SLC40A1: variants seen among roughly 807,000 people sequenced by gnomAD.
SLC40A1 encodes the protein ferroportin.
A neutral mutation model predicts 53.5 loss-of-function variants in SLC40A1; 16 were observed. That is an observed-to-expected ratio of 0.30 (90% CI 0.20 to 0.45). The LOEUF is 0.45. Among genes scored for constraint, SLC40A1 ranks in the 20% least tolerant of loss-of-function variants. The pLI, the probability that SLC40A1 is intolerant of heterozygous loss-of-function variation, is 1.00. For synonymous variants in SLC40A1, 247 were observed against 253.2 expected, an observed-to-expected ratio of 0.98 and a Z score of 0.23; for missense variants, 545 against 695.4, an observed-to-expected ratio of 0.78 and a Z score of 2.43.
Position 189,561,875 on chromosome 2 carries a change from G to A in SLC40A1, c.*3C>T. 1.2e-6 allele frequency: 2 copies of A among 1,611,100 alleles called. No homozygotes were observed. Among genetic ancestry groups the A allele is most frequent in the Non-Finnish European group, 1.7e-6 (2 of 1,177,266 alleles). On this transcript the variant is annotated 3_prime_UTR_variant, in exon 8 of 8. Transcript: ENST00000261024. Reference sequence around the variant, plus strand: ...GTAACAGGATAGCAACAGTTAAACTGTCTCAAACAACAGATGTATTTGCTT... The same window carrying A: ...GTAACAGGATAGCAACAGTTAAACTATCTCAAACAACAGATGTATTTGCTT...
chr2:189,577,497 A>G (rs926429364), intron 2 of SLC40A1, among the ~76,000 whole-genome samples: 1 of 152,190 alleles, frequency 6.6e-6, no homozygotes, highest in African/African-American at 2.4e-5. Context: ...TCATGTTATC[A>G]GATATAAGCA....
chr2:189,563,473 T>C, intron 7 of SLC40A1, 111 bp downstream of exon 7: 1 of 923,744 alleles, frequency 1.1e-6, no homozygotes, highest in East Asian at 2.7e-5. Flanking sequence ...GAGTGGATTT[T>C]GCTTAAATTA....
At chr2:189,575,104 G>C in intron 3 of SLC40A1, 57 bp downstream of exon 3, 1 of 1,574,876 alleles carries the variant, frequency 6.3e-7, no homozygotes, top group Non-Finnish European at 8.7e-7. Flanking sequence ...TTGCTACAGA[G>C]GTAGCTCAGG....
intron 1 of SLC40A1, 70 bp downstream of exon 1, chr2:189,580,348 C>T: frequency 1.4e-6 from 2 of 1,448,952 alleles, no homozygotes; most frequent in African/African-American, 1.4e-5. Flanking sequence ...CTCCAGAACT[C>T]GTGTAGAGTT....
In SLC40A1 at chr2:189,579,763, G is replaced by A. The variant is rs534624711; in HGVS notation, c.111+50C>T. 3.3e-6 allele frequency: 5 copies of A among 1,518,306 alleles called. No homozygotes were observed. The South Asian group carries it at 5.6e-5, about 17-fold the overall frequency. 94.1% of individuals were successfully genotyped at this position (1,518,306 alleles called of 1,614,324 possible). On this transcript the variant is annotated intron_variant, in intron 2 of 7. Coordinates refer to ENST00000261024, the MANE Select transcript of SLC40A1 (RefSeq NM_014585.6). ...TTAATACAACTGGCTAGAACGAAAGGAAATAAAAAATTGCGCAACTGTGTT... is the reference window on the plus strand; with the variant it reads ...TTAATACAACTGGCTAGAACGAAAGAAAATAAAAAATTGCGCAACTGTGTT...
chr2:189,565,819 T>C (rs1050665798), intron 5 of SLC40A1, among the ~76,000 whole-genome samples: 2 of 152,362 alleles, frequency 1.3e-5, no homozygotes, highest in East Asian at 1.9e-4. Context: ...TGGAATTGCA[T>C]AAATCAGTCT....
Position 189,572,887 on chromosome 2 carries a change from G to T in SLC40A1, c.346C>A (p.His116Asn). 6.2e-7 allele frequency: 1 copy of T among 1,613,906 alleles called. No individual in the cohort carries two copies. Among genetic ancestry groups the T allele is most frequent in the Non-Finnish European group, 8.5e-7 (1 of 1,179,836 alleles). Reference protein sequence around the residue: ...CGIILMMVFLHKHELLTMYHG... With the variant: ...CGIILMMVFLNKHELLTMYHG... Reference sequence around the variant, plus strand: ...TACATGGTCAGAAGCTCATGTTTATGTAAGAAAACCATCATCAGGATGATT... The same window carrying T: ...TACATGGTCAGAAGCTCATGTTTATTTAAGAAAACCATCATCAGGATGATT... Residue 116 changes from histidine (H) to asparagine (N), a missense_variant, in exon 4 of 8, where the codon CAT becomes AAT. His to Asn is a moderately conservative substitution (Grantham distance 68). This residue lies in a region of SLC40A1 where 197 missense variants were observed against 278.8 expected (regional missense o/e 0.71). Transcript: ENST00000261024.
chr2:189,572,060 A>ATTAT lies in SLC40A1; in HGVS notation c.388-220_388-219insATAA, dbSNP rs202114997. Reference sequence around the variant, plus strand: ...AACCTGTATCATCTAGATCATCTGTAGTACACATAATACAAAAATTATAAT... The same window carrying ATTAT: ...AACCTGTATCATCTAGATCATCTGTATTATGTACACATAATACAAAAATTATAAT... On this transcript the variant is annotated intron_variant, in intron 4 of 7. Transcript: ENST00000261024. Among the ~76,000 whole-genome samples, 339 of 152,336 alleles carry ATTAT rather than the reference A, an allele frequency of 2.2e-3. 10 individuals carry two copies. In the East Asian group the frequency reaches 0.053, roughly 24 times the overall value.
chr2:189,576,562 T>C (rs1195035170), intron 2 of SLC40A1, among the ~76,000 whole-genome samples: 1 of 152,160 alleles, frequency 6.6e-6, no homozygotes, highest in Non-Finnish European at 1.5e-5. Context: ...TGGCAATGCC[T>C]GGAGTAATTT....
In SLC40A1 at chr2:189,572,948, C is replaced by G. The variant is rs773310265; in HGVS notation, c.285G>C (p.Ser95=). 1 of 1,613,370 alleles carries G rather than the reference C, an allele frequency of 6.2e-7. No homozygotes were observed. ...KNARLKVAQT[S]LVVQNVSVIL... ...TGACTGAAACATTCTGTACCACCAG[C>G]GAGGTCTGGGCCACTGTGCAGAGGA... The change falls in exon 4 of 8, where the codon TCG becomes TCC. Residue 95 remains serine, a synonymous_variant. Coordinates refer to ENST00000261024, the MANE Select transcript of SLC40A1 (RefSeq NM_014585.6).
rs11568354 is a variant in SLC40A1, at chr2:189,563,558, T to C, written c.1402+26A>G. 4.0e-4 allele frequency: 640 copies of C among 1,602,826 alleles called. 2 individuals carry two copies. The African/African-American group carries it at 7.5e-3, about 19-fold the overall frequency. Reference sequence around the variant, plus strand: ...CATTACAAAAAGACACTTTAGTTCATTAATATATAAAAAGAGATTTCTTAC... The same window carrying C: ...CATTACAAAAAGACACTTTAGTTCACTAATATATAAAAAGAGATTTCTTAC... On this transcript the variant is annotated intron_variant, in intron 7 of 7. Transcript: ENST00000261024.
Position 189,561,608 on chromosome 2 carries a change from A to T in SLC40A1, c.*270T>A. ...CTTTTACGTAAGATTGTATCTACTC[A>T]TGAGAAATAGGGGAATTCAGTGTTA... On this transcript the variant is annotated 3_prime_UTR_variant, in exon 8 of 8. Coordinates refer to ENST00000261024, the MANE Select transcript of SLC40A1 (RefSeq NM_014585.6). 1 of 424,194 alleles carries T rather than the reference A, an allele frequency of 2.4e-6. No individual in the cohort carries two copies. The highest frequency in any genetic ancestry group is 2.5e-5 in the South Asian group (1 of 39,702). 26.3% of individuals were successfully genotyped at this position (424,194 alleles called of 1,614,324 possible).
intron 2 of SLC40A1, 36 bp downstream of exon 2, chr2:189,579,777 C>A (rs370661977): frequency 6.4e-7 from 1 of 1,572,544 alleles, no homozygotes; most frequent in Non-Finnish European, 8.8e-7. Context: ...TAAAAAATTG[C>A]GCAACTGTGT....
chr2:189,569,149 G>A (rs1157389864), intron 5 of SLC40A1, among the ~76,000 whole-genome samples: 1 of 152,204 alleles, frequency 6.6e-6, no homozygotes, highest in Non-Finnish European at 1.5e-5. Context: ...TTTTAACCTT[G>A]GCAGGGAAAA....
intron 2 of SLC40A1, chr2:189,578,442 A>G: frequency 1.1e-6 from 1 of 903,568 alleles, no homozygotes; most frequent in Non-Finnish European, 1.4e-6. Context: ...CCACGGTGCC[A>G]CTGGTTTTCT....
chr2:189,577,315 G>C lies in SLC40A1; in HGVS notation c.112-1995C>G, dbSNP rs375323889. 2.3e-4 allele frequency among the ~76,000 whole-genome samples: 35 copies of C among 152,310 alleles called. No homozygotes were observed. The South Asian group carries it at 5.2e-3, about 23-fold the overall frequency. ...AGGTTTTCATGCAGCTCACATTCCAGTGAGCACAGACCAAAAGCAAATCTA... is the reference window on the plus strand; with the variant it reads ...AGGTTTTCATGCAGCTCACATTCCACTGAGCACAGACCAAAAGCAAATCTA... On this transcript the variant is annotated intron_variant, in intron 2 of 7. Coordinates refer to ENST00000261024, the MANE Select transcript of SLC40A1 (RefSeq NM_014585.6).
intron 3 of SLC40A1, among the ~76,000 whole-genome samples, chr2:189,573,530 C>A (rs2031198848): frequency 6.6e-6 from 1 of 152,184 alleles, no homozygotes. Flanking sequence ...GATGGCAATT[C>A]TCTTATGAGG....
chr2:189,576,602 C>G (rs906917437), intron 2 of SLC40A1, among the ~76,000 whole-genome samples: 5 of 152,072 alleles, frequency 3.3e-5, no homozygotes, highest in African/African-American at 1.2e-4. Context: ...GGGGGTGGAG[C>G]TGTTACTTAA....
At chr2:189,578,098 G>T in intron 2 of SLC40A1, 1 of 625,048 alleles carries the variant, frequency 1.6e-6, no homozygotes, top group Non-Finnish European at 2.0e-6. Flanking sequence ...AGGGTGGGAC[G>T]GAAAATGCAT....
Sources: allele counts gnomAD v4.1 joint callset (sites outside exome capture counted in the v4.1 genomes callset), GRCh38; gene constraint gnomAD v4.1.1; regional missense constraint gnomAD v4.1.1; transcripts MANE v1.5; gene names NCBI Gene and HGNC (gene_info 2026-07-23, HGNC 2026-07-21).